The following BPIFB6 variants were observed in gnomAD, a reference collection of about 807,000 sequenced individuals.
BPIFB6 encodes BPI fold-containing family B member 6.
In BPIFB6, 47 loss-of-function variants were observed where a neutral mutation model predicts 54.7. The observed-to-expected ratio is 0.86, with a 90% CI of 0.68 to 1.10. BPIFB6 has a LOEUF of 1.10. Among genes scored for constraint, BPIFB6 ranks in the 50% least tolerant of loss-of-function variants. The probability of loss-of-function intolerance (pLI) is 0.00; values close to 1 mark genes in which losing one functional copy is unlikely to be tolerated. For missense variants in BPIFB6, 603 were observed against 564.1 expected, an observed-to-expected ratio of 1.07 and a Z score of -0.70; for synonymous variants, 255 against 225.9, an observed-to-expected ratio of 1.13 and a Z score of -1.16.
In BPIFB6 at chr20:33,039,521, GT is replaced by G; in HGVS notation, c.1074+2del. Reference sequence around the variant, plus strand: ...AATGTCCCTCTTTCTCCTAGAAGTGGTGAGGGAAATCGTTCCCTTCCCCATT... The same window carrying G: ...AATGTCCCTCTTTCTCCTAGAAGTGGGAGGGAAATCGTTCCCTTCCCCATT... On this transcript the variant is annotated splice_donor_variant, in intron 10 of 14. Transcript: ENST00000349552. LOFTEE classifies it high-confidence loss of function. 1 of 1,600,926 alleles carries G rather than the reference GT, an allele frequency of 6.2e-7. No individual in the cohort carries two copies. The highest frequency in any genetic ancestry group is 1.3e-5 in the African/African-American group (1 of 74,396).
At chr20:33,032,895 C>T (rs1049181019) in intron 1 of BPIFB6, 89 bp from the exon 2 acceptor site, 18 of 1,044,314 alleles carry the variant, frequency 1.7e-5, no homozygotes, top group Non-Finnish European at 2.5e-5. Context: ...TCGTCCAGCC[C>T]AGGGTGGGGC....
chr20:33,033,266 C>T (rs1056450194), intron 2 of BPIFB6, 183 bp downstream of exon 2: 1 of 683,440 alleles, frequency 1.5e-6, no homozygotes. Flanking sequence ...GCCTGGACCT[C>T]CTCAGCCATT....
At chr20:33,033,627 A>G (rs746773982) in intron 2 of BPIFB6, 1 of 456,802 alleles carries the variant, frequency 2.2e-6, no homozygotes, top group South Asian at 1.5e-5. Context: ...TGTGTGCCAC[A>G]TCTTTTGTTA....
intron 3 of BPIFB6, 75 bp downstream of exon 3, chr20:33,034,365 G>A (rs953231997): frequency 5.0e-6 from 5 of 1,009,674 alleles, no homozygotes; most frequent in Non-Finnish European, 7.9e-6. Flanking sequence ...CATATATTGA[G>A]TGCCTACTGT....
chr20:33,038,798 A>T, intron 8 of BPIFB6, 111 bp from the exon 9 acceptor site: 1 of 1,028,068 alleles, frequency 9.7e-7, no homozygotes, highest in Non-Finnish European at 1.5e-6. Context: ...AGCGTTAAGT[A>T]TTGTGATGAA....
At chr20:33,041,842 G>C in intron 11 of BPIFB6, 128 bp from the exon 12 acceptor site, 8 of 754,018 alleles carry the variant, frequency 1.1e-5, no homozygotes, top group Non-Finnish European at 1.3e-5. Context: ...TGGTCTGAAG[G>C]CTGTAGAGGG....
chr20:33,034,732 GC>G lies in BPIFB6; in HGVS notation c.303-28del, dbSNP rs780390004. ...GGAGAGCGGACACCATGGCAGAGAT[GC>G]CCATGGTGCCCTCCTGCTCTGTCCT... On this transcript the variant is annotated intron_variant, in intron 3 of 14. Coordinates refer to ENST00000349552, the MANE Select transcript of BPIFB6 (RefSeq NM_174897.2). The G allele has an allele frequency of 1.9e-6, 3 of 1,573,242 alleles. No individual in the cohort carries two copies. The African/African-American group carries it at 4.1e-5, about 21-fold the overall frequency.
At position 33,042,795 on chromosome 20, in the gene BPIFB6, T is replaced by A; in HGVS notation, c.1189-20T>A. The A allele has an allele frequency of 6.2e-7, 1 of 1,611,794 alleles. No individual in the cohort carries two copies. The highest frequency in any genetic ancestry group is 8.5e-7 in the Non-Finnish European group (1 of 1,177,986). ...ATTGGACTGAATGGAATGTGGATGC[T>A]TTCTCTTTCTTCTTTCCAGGAGAGG... On this transcript the variant is annotated intron_variant, in intron 12 of 14. Coordinates refer to ENST00000349552, the MANE Select transcript of BPIFB6 (RefSeq NM_174897.2).
intron 1 of BPIFB6, 97 bp downstream of exon 1, chr20:33,031,841 C>T (rs1485329944): frequency 1.6e-5 from 15 of 934,826 alleles, no homozygotes; most frequent in Admixed American, 9.7e-5. Context: ...TGGAGCATCC[C>T]GTGAGCTCCA....
At chr20:33,042,764 A>G (rs779138665) in intron 12 of BPIFB6, 51 bp from the exon 13 acceptor site, 5 of 1,535,078 alleles carry the variant, frequency 3.3e-6, no homozygotes, top group Admixed American at 1.7e-5. Context: ...AGATCTGTTG[A>G]ATGGTATTGG....
chr20:33,038,346 C>T (rs1471377350), intron 8 of BPIFB6, among the ~76,000 whole-genome samples: 2 of 152,116 alleles, frequency 1.3e-5, no homozygotes, highest in African/African-American at 4.8e-5. Flanking sequence ...CATCCATGTA[C>T]CTTTCCATCC....
At chr20:33,032,877 C>A in intron 1 of BPIFB6, 107 bp from the exon 2 acceptor site, 1 of 824,946 alleles carries the variant, frequency 1.2e-6, no homozygotes, top group Non-Finnish European at 2.0e-6. Flanking sequence ...ATCTCTGGGT[C>A]TCTGCCATCG....
Position 33,042,857 on chromosome 20 carries a change from GC to G in BPIFB6, c.1233del (p.Tyr412ThrfsTer21), listed in dbSNP as rs755841527. The G allele has an allele frequency of 2.5e-6, 4 of 1,614,208 alleles. No individual in the cohort carries two copies. Among genetic ancestry groups the G allele is most frequent in the South Asian group, 2.2e-5 (2 of 91,086 alleles). ...CTTCATCACCAGCTATCTCGAAGAA[GC>G]CTACATCCCAGTTGTCAATGGTGAG... The part of the protein sequence containing the change: ...TGFITSYLEE[A>X]YIPVVNDVLQ... On this transcript the variant is annotated frameshift_variant, in exon 13 of 15. Transcript: ENST00000349552. LOFTEE classifies it high-confidence loss of function.
At chr20:33,037,523 T>C in intron 7 of BPIFB6, 39 bp from the exon 8 acceptor site, 1 of 1,567,880 alleles carries the variant, frequency 6.4e-7, no homozygotes. Flanking sequence ...AACATCCCTC[T>C]CGGCCAAGGC....
intron 7 of BPIFB6, 94 bp downstream of exon 7, chr20:33,036,630 G>A (rs1019514695): frequency 1.7e-6 from 2 of 1,209,182 alleles, no homozygotes; most frequent in African/African-American, 1.5e-5. Flanking sequence ...CTGGACTAGG[G>A]CTGTGGAGGG....
intron 14 of BPIFB6, 123 bp from the exon 15 acceptor site, chr20:33,043,892 A>G (rs1306212604): frequency 1.6e-6 from 2 of 1,228,722 alleles, no homozygotes; most frequent in Non-Finnish European, 2.4e-6. Context: ...AGGCAAGTCT[A>G]CTTCAACCTT....
At position 33,039,435 on chromosome 20, in the gene BPIFB6, G is replaced by T; in HGVS notation, c.989G>T (p.Ser330Ile). Residue 330 changes from serine to isoleucine, a missense_variant, in exon 10 of 15, where the codon AGC (serine) becomes ATC (isoleucine). By Grantham distance (142) the Ser-to-Ile change is moderately radical. Transcript: ENST00000349552. ...PPKVTMKTGKSLLHLHSTLEM... is the reference protein window; with the variant it reads ...PPKVTMKTGKILLHLHSTLEM... Reference sequence around the variant, plus strand: ...AAGGTCACTATGAAGACAGGCAAGAGCCTGCTGCACCTCCACAGCACCCTG... The same window carrying T: ...AAGGTCACTATGAAGACAGGCAAGATCCTGCTGCACCTCCACAGCACCCTG... 6.2e-7 allele frequency: 1 copy of T among 1,614,216 alleles called. No homozygotes were observed. The highest frequency in any genetic ancestry group is 8.5e-7 in the Non-Finnish European group (1 of 1,180,038).
chr20:33,042,636 C>G (rs1226289889), intron 12 of BPIFB6, among the ~76,000 whole-genome samples, 179 bp from the exon 13 acceptor site: 1 of 152,192 alleles, frequency 6.6e-6, no homozygotes, highest in African/African-American at 2.4e-5. Flanking sequence ...GTGAAGGACA[C>G]GGGTCTACAG....
chr20:33,034,827 C>A lies in BPIFB6; in HGVS notation c.367C>A (p.Arg123=), dbSNP rs139195412. ...LNITATNRLL[R]DEETGLPVFK... ...CATCACAGCCACCAACCGGCTTCTGCGGGATGAGGAGACAGGCCTCCCCGT... is the reference window on the plus strand; with the variant it reads ...CATCACAGCCACCAACCGGCTTCTGAGGGATGAGGAGACAGGCCTCCCCGT... The change falls in exon 4 of 15, where the codon CGG becomes AGG. Residue 123 remains arginine (R), a synonymous_variant. Coordinates refer to ENST00000349552, the MANE Select transcript of BPIFB6 (RefSeq NM_174897.2). 2 of 1,613,706 alleles carry A rather than the reference C, an allele frequency of 1.2e-6. No homozygotes were observed. The highest frequency in any genetic ancestry group is 4.5e-5 in the East Asian group (2 of 44,878).
Sources: allele counts gnomAD v4.1 joint callset (sites outside exome capture counted in the v4.1 genomes callset), GRCh38; gene constraint gnomAD v4.1.1; transcripts MANE v1.5; gene names NCBI Gene and HGNC (gene_info 2026-07-23, HGNC 2026-07-21).